The following CNTNAP5 variants were observed in gnomAD, a reference collection of about 807,000 sequenced individuals.
CNTNAP5 encodes contactin associated protein family member 5.
In CNTNAP5, 72 loss-of-function variants were observed where a neutral mutation model predicts 150.2. The ratio of observed to expected loss-of-function variants is 0.48; its 90% CI spans 0.40 to 0.58. The LOEUF is 0.58. Ranked by LOEUF, CNTNAP5 falls within the 20% of genes least tolerant of loss-of-function variation. The pLI, the probability that CNTNAP5 is intolerant of heterozygous loss-of-function variation, is 0.00. For missense variants in CNTNAP5, 1,636 were observed against 1,626.2 expected, an observed-to-expected ratio of 1.01 and a Z score of -0.10; for synonymous variants, 672 against 619.8, an observed-to-expected ratio of 1.08 and a Z score of -1.25.
At chr2:124,345,349 T>C (rs1163243883) in intron 3 of CNTNAP5, among the ~76,000 whole-genome samples, 4 of 152,224 alleles carry the variant, frequency 2.6e-5, no homozygotes, top group Non-Finnish European at 4.4e-5. Context: ...CCTAGTTTCC[T>C]CTCACTCATA....
At chr2:124,138,875 C>T (rs1684038767) in intron 1 of CNTNAP5, among the ~76,000 whole-genome samples, 1 of 151,590 alleles carries the variant, frequency 6.6e-6, no homozygotes, top group South Asian at 2.1e-4. Flanking sequence ...TCTAGATTTA[C>T]TTATAATTCT....
At chr2:124,374,214 TA>T (rs1690594101) in intron 3 of CNTNAP5, among the ~76,000 whole-genome samples, 1 of 149,440 alleles carries the variant, frequency 6.7e-6, no homozygotes, top group Non-Finnish European at 1.5e-5. Flanking sequence ...ATATTATGGT[TA>T]ATTATTTCTT....
At chr2:124,855,622 G>A (rs1677355420) in intron 19 of CNTNAP5, among the ~76,000 whole-genome samples, 1 of 152,148 alleles carries the variant, frequency 6.6e-6, no homozygotes, top group Non-Finnish European at 1.5e-5. Flanking sequence ...TACAACCAAT[G>A]TACGAGAGTA....
intron 3 of CNTNAP5, among the ~76,000 whole-genome samples, chr2:124,249,961 T>TTGTGTG (rs36078434): frequency 3.4e-5 from 4 of 118,712 alleles, no homozygotes; most frequent in Non-Finnish European, 5.1e-5. Flanking sequence ...ATGAATTCTT[T>TTGTGTG]TGTGTGTGTG....
intron 17 of CNTNAP5, among the ~76,000 whole-genome samples, chr2:124,784,038 C>T (rs535490481): frequency 6.6e-6 from 1 of 152,204 alleles, no homozygotes; most frequent in Non-Finnish European, 1.5e-5. Context: ...TATGTTAAAC[C>T]TTCTGCCACT....
chr2:124,699,649 G>C (rs564597104), intron 13 of CNTNAP5, among the ~76,000 whole-genome samples: 4 of 152,234 alleles, frequency 2.6e-5, no homozygotes, highest in African/African-American at 9.6e-5. Context: ...CATTCACCAT[G>C]AATGCTCTTA....
chr2:124,152,272 T>C (rs1385622915), intron 1 of CNTNAP5, among the ~76,000 whole-genome samples: 1 of 152,228 alleles, frequency 6.6e-6, no homozygotes, highest in African/African-American at 2.4e-5. Context: ...ATGATTTAAC[T>C]ATTATTGACT....
intron 1 of CNTNAP5, among the ~76,000 whole-genome samples, chr2:124,059,379 C>A (rs1482735467): frequency 6.6e-6 from 1 of 152,104 alleles, no homozygotes; most frequent in Admixed American, 6.5e-5. Flanking sequence ...TAAATGTCTA[C>A]AAAAAAGCTG....
intron 1 of CNTNAP5, among the ~76,000 whole-genome samples, chr2:124,205,505 G>A (rs576839541): frequency 2.7e-4 from 40 of 149,574 alleles, no homozygotes; most frequent in Non-Finnish European, 4.1e-4. Context: ...TGCAACCTCC[G>A]CCTCCTGGGT....
At chr2:124,208,456 T>A (rs1220026987) in intron 1 of CNTNAP5, among the ~76,000 whole-genome samples, 1 of 152,250 alleles carries the variant, frequency 6.6e-6, no homozygotes, top group African/African-American at 2.4e-5. Flanking sequence ...TTAGCTTGGA[T>A]ACATTTTGTG....
At chr2:124,232,225 G>C (rs1033067152) in intron 2 of CNTNAP5, among the ~76,000 whole-genome samples, 1 of 152,120 alleles carries the variant, frequency 6.6e-6, no homozygotes, top group Non-Finnish European at 1.5e-5. Flanking sequence ...TGACATATTT[G>C]TCTAGTGATT....
intron 2 of CNTNAP5, among the ~76,000 whole-genome samples, chr2:124,222,120 A>G (rs1485901532): frequency 6.6e-6 from 1 of 152,274 alleles, no homozygotes; most frequent in East Asian, 1.9e-4. Flanking sequence ...ATAAATAGAT[A>G]TAAAACATGT....
intron 10 of CNTNAP5, among the ~76,000 whole-genome samples, chr2:124,532,567 G>T (rs1478246393): frequency 6.6e-6 from 1 of 152,144 alleles, no homozygotes; most frequent in Non-Finnish European, 1.5e-5. Flanking sequence ...GGAAAAACAG[G>T]GATGCTGATG....
intron 4 of CNTNAP5, among the ~76,000 whole-genome samples, chr2:124,419,896 T>TTTTCTTTCTTTCTTTCTTTCTTTC (rs776205045): frequency 1.8e-4 from 15 of 85,234 alleles, no homozygotes; most frequent in East Asian, 4.1e-4. Context: ...ACTGGATTGG[T>TTTTCTTTCTTTCTTTCTTTCTTTC]TTTCTTTCTT....
chr2:124,544,704 G>A (rs1483992155), intron 10 of CNTNAP5, among the ~76,000 whole-genome samples: 4 of 152,180 alleles, frequency 2.6e-5, no homozygotes, highest in Non-Finnish European at 5.9e-5. Flanking sequence ...TACCATATTG[G>A]ATAGGGCAGG....
intron 3 of CNTNAP5, among the ~76,000 whole-genome samples, chr2:124,363,344 A>G (rs1023467035): frequency 6.6e-6 from 1 of 152,114 alleles, no homozygotes; most frequent in Non-Finnish European, 1.5e-5. Flanking sequence ...GTGAGTCTCC[A>G]AACAGACTCC....
chr2:124,754,749 G>A (rs540793653), intron 14 of CNTNAP5, among the ~76,000 whole-genome samples: 7 of 151,962 alleles, frequency 4.6e-5, no homozygotes, highest in African/African-American at 1.7e-4. Context: ...GTGCAGTGGT[G>A]TGATCTTGGC....
At chr2:124,773,570 G>C (rs1036130432) in intron 17 of CNTNAP5, among the ~76,000 whole-genome samples, 1 of 152,164 alleles carries the variant, frequency 6.6e-6, no homozygotes, top group Non-Finnish European at 1.5e-5. Flanking sequence ...GCCACAGGCT[G>C]TTCATCTGAA....
At chr2:124,832,598 T>C (rs2104682759) in intron 19 of CNTNAP5, among the ~76,000 whole-genome samples, 1 of 152,270 alleles carries the variant, frequency 6.6e-6, no homozygotes, top group Admixed American at 6.5e-5. Context: ...TGAAAGTTTT[T>C]ATTTTTAGAA....
Sources: allele counts gnomAD v4.1 joint callset (sites outside exome capture counted in the v4.1 genomes callset), GRCh38; gene constraint gnomAD v4.1.1; transcripts MANE v1.5; gene names NCBI Gene and HGNC (gene_info 2026-07-23, HGNC 2026-07-21).